Variants in SULT1A1 observed in about 807,000 individuals in gnomAD.
SULT1A1 encodes sulfotransferase family 1A member 1.
Under a neutral mutation model 36.8 loss-of-function variants are expected in SULT1A1, and 35 were observed. The ratio of observed to expected loss-of-function variants is 0.95; its 90% CI spans 0.73 to 1.26. The LOEUF (loss-of-function observed/expected upper bound fraction) is 1.26. Among genes scored for constraint, SULT1A1 ranks in the 50% most tolerant of loss-of-function variants. SULT1A1 has a pLI of 0.00. For missense variants in SULT1A1, 309 were observed against 383.0 expected, an observed-to-expected ratio of 0.81 and a Z score of 1.61; for synonymous variants, 119 against 146.0, an observed-to-expected ratio of 0.82 and a Z score of 1.33.
Position 28,606,152 on chromosome 16 carries a change from T to A in SULT1A1, c.679A>T (p.Thr227Ser). Residue 227 changes from threonine to serine, a missense_variant, in exon 7 of 8, where the codon ACG becomes TCG. This residue lies in a region of SULT1A1 where 67 missense variants were observed against 122.0 expected (regional missense o/e 0.55). Transcript: ENST00000314752. ...EETVDFVVQHTSFKEMKKNPM... is the reference protein window; with the variant it reads ...EETVDFVVQHSSFKEMKKNPM... The stretch of plus-strand genomic sequence containing the variant: ...TTCTTCTTCATCTCCTTGAACGACG[T>A]GTGCTGAACCACGAAGTCCACGGTC... 6.2e-7 allele frequency: 1 copy of A among 1,611,542 alleles called. No homozygotes were observed. Among genetic ancestry groups the A allele is most frequent in the East Asian group, 2.2e-5 (1 of 44,858 alleles).
At chr16:28,609,571 AC>A in intron 1 of SULT1A1, 1 of 438,340 alleles carries the variant, frequency 2.3e-6, no homozygotes, top group Non-Finnish European at 4.0e-6. Context: ...GCATTGCAAG[AC>A]CCCATCTCTA....
chr16:28,617,983 T>A (rs2047578508), intron 2 of SULT1A1, among the ~76,000 whole-genome samples: 1 of 152,134 alleles, frequency 6.6e-6, no homozygotes, highest in Admixed American at 6.6e-5. Flanking sequence ...TTCCTGCGGT[T>A]TTGTTCATTT....
intron 2 of SULT1A1, among the ~76,000 whole-genome samples, chr16:28,618,132 C>G (rs1169788529): frequency 6.6e-6 from 1 of 151,438 alleles, no homozygotes. Flanking sequence ...CTTGACCTCC[C>G]AGGCTTGCAA....
upstream of SULT1A1, chr16:28,610,514 C>G (rs1014126543): frequency 1.6e-5 from 5 of 313,688 alleles, no homozygotes; most frequent in African/African-American, 1.1e-4. Flanking sequence ...GCAGCCCATG[C>G]ACTCCAGGCT....
chr16:28,623,120 C>CG (rs2047690445), intron 1 of SULT1A1: 4 of 1,528,268 alleles, frequency 2.6e-6, no homozygotes, highest in Non-Finnish European at 3.5e-6. Context: ...GTTCCCCCCC[C>CG]GGCCCCTCAC....
chr16:28,616,271 T>C (rs977031225), intron 2 of SULT1A1, among the ~76,000 whole-genome samples: 1 of 152,260 alleles, frequency 6.6e-6, no homozygotes, highest in Non-Finnish European at 1.5e-5. Context: ...ATGATATTCA[T>C]ATATAATCAT....
intron 1 of SULT1A1, 105 bp downstream of exon 1, chr16:28,609,826 C>T (rs1294546304): frequency 8.8e-7 from 1 of 1,136,296 alleles, no homozygotes; most frequent in Non-Finnish European, 1.1e-6. Context: ...AATGGGATAT[C>T]CATGGGGAAA....
chr16:28,610,064 G>C, upstream of SULT1A1: 1 of 1,286,140 alleles, frequency 7.8e-7, no homozygotes, highest in Non-Finnish European at 1.0e-6. Context: ...CTGGAGCCGG[G>C]GCTGGACTTA....
At position 28,620,062 on chromosome 16, in the gene SULT1A1, C is replaced by G. The variant is rs79527462; in HGVS notation, c.138+1G>C. 4,397 of 1,611,706 alleles carry G rather than the reference C, an allele frequency of 2.7e-3. 195 individuals are homozygous for G. The East Asian group carries it at 0.075, about 28-fold the overall frequency. On this transcript the variant is annotated splice_donor_variant, in intron 2 of 5. Transcript: ENST00000350842. LOFTEE classifies it high-confidence loss of function. ...ATAACATTTTCAAACGCCTGTCTTACCATATAGGTGTTCCAGAATTTCTGT... is the reference window on the plus strand; with the variant it reads ...ATAACATTTTCAAACGCCTGTCTTAGCATATAGGTGTTCCAGAATTTCTGT...
At position 28,616,031 on chromosome 16, in the gene SULT1A1, G is replaced by A. The variant is rs758783523; in HGVS notation, c.138+4032C>T. Among the ~76,000 whole-genome samples, 3 of 152,036 alleles carry A rather than the reference G, an allele frequency of 2.0e-5. 1 individual carries two copies. The highest frequency in any genetic ancestry group is 4.2e-4 in the South Asian group (2 of 4,816). On this transcript the variant is annotated intron_variant, in intron 2 of 5. Coordinates refer to the SULT1A1 transcript ENST00000350842. ...ACAGGGAGACGCTGGACCACGATCC[G>A]CCTGGTAACGGGCATCTTCCCAGAT...
At chr16:28,612,028 C>CA (rs1371040147), upstream of SULT1A1, 1 of 772 alleles carries the variant, frequency 1.3e-3, no homozygotes, top group African/African-American at 2.7e-3. Context: ...AAAAACAAAA[C>CA]AAAACAAAAA....
At chr16:28,621,468 A>G (rs2047651567) in intron 1 of SULT1A1, among the ~76,000 whole-genome samples, 1 of 145,622 alleles carries the variant, frequency 6.9e-6, no homozygotes, top group Non-Finnish European at 1.5e-5. Flanking sequence ...GGGCAATAAA[A>G]CAAGACTCTG....
chr16:28,617,678 A>G (rs2047572739), intron 2 of SULT1A1, among the ~76,000 whole-genome samples: 1 of 151,896 alleles, frequency 6.6e-6, no homozygotes, highest in Non-Finnish European at 1.5e-5. Context: ...AGTAGCTGGG[A>G]TTACAGGCAC....
At chr16:28,610,251 G>GTTTTTTT, upstream of SULT1A1, 1 of 583,966 alleles carries the variant, frequency 1.7e-6, no homozygotes, top group Non-Finnish European at 2.4e-6. Context: ...GTTTTTGTAG[G>GTTTTTTT]TTTTTTTTTT....
chr16:28,607,816 C>T (rs1484442801), intron 4 of SULT1A1: 1 of 153,180 alleles, frequency 6.5e-6, no homozygotes, highest in East Asian at 1.9e-4. Context: ...AGCGCTATGC[C>T]ACCATGCCCT....
intron 6 of SULT1A1, 118 bp from the exon 7 acceptor site, chr16:28,606,354 GC>G (rs2047185982): frequency 1.3e-6 from 2 of 1,544,914 alleles, no homozygotes; most frequent in Non-Finnish European, 1.8e-6. Flanking sequence ...ACCCTGCAGA[GC>G]CAACTCCTCA....
At chr16:28,619,504 A>G (rs2047608140) in intron 2 of SULT1A1, among the ~76,000 whole-genome samples, 2 of 152,144 alleles carry the variant, frequency 1.3e-5, no homozygotes, top group South Asian at 4.1e-4. Flanking sequence ...TAACTGGAGC[A>G]CAGGAGTTTG....
chr16:28,620,909 G>A (rs1375158259), intron 1 of SULT1A1, among the ~76,000 whole-genome samples: 4 of 152,190 alleles, frequency 2.6e-5, no homozygotes, highest in South Asian at 2.1e-4. Context: ...TCAGGAGTTC[G>A]AGACCAGCCT....
chr16:28,605,637 T>G lies in SULT1A1; in HGVS notation c.*184A>C. On this transcript the variant is annotated 3_prime_UTR_variant, in exon 8 of 8. Coordinates refer to ENST00000314752, the MANE Select transcript of SULT1A1 (RefSeq NM_001055.4). ...TTTATTTTATTTTTTTAACAGAATC[T>G]CACTATGTTGCCCAGGTTGGTCTCG... The G allele has an allele frequency of 1.1e-6, 1 of 940,928 alleles. No homozygotes were observed. The highest frequency in any genetic ancestry group is 1.6e-5 in the South Asian group (1 of 62,266). The allele number at this position is 940,928 out of a possible 1,614,324, so 58.3% of individuals were successfully genotyped here.
Sources: gnomAD v4.1 joint callset for allele counts (sites outside exome capture counted in the v4.1 genomes callset) on GRCh38, gnomAD v4.1.1 for gene constraint, gnomAD v4.1.1 regional missense constraint, MANE v1.5 for transcripts, NCBI Gene and HGNC (gene_info 2026-07-23, HGNC 2026-07-21) for gene names.